Variants in CDK14 observed in about 807,000 individuals in gnomAD.
CDK14 encodes the protein cyclin dependent kinase 14.
A neutral mutation model predicts 60.7 loss-of-function variants in CDK14; 34 were observed. The ratio of observed to expected loss-of-function variants is 0.56; its 90% confidence interval spans 0.43 to 0.75. The LOEUF is 0.75. Among genes scored for constraint, CDK14 ranks in the 30% least tolerant of loss-of-function variants. The probability of loss-of-function intolerance (pLI) is 0.00; values close to 1 mark genes in which losing one functional copy is unlikely to be tolerated. For synonymous variants in CDK14, 197 were observed against 203.7 expected (o/e 0.97, Z 0.28); for missense variants, 482 against 564.1 (o/e 0.85, Z 1.47).
At chr7:90,971,822 A>G (rs372226954) in intron 9 of CDK14, among the ~76,000 whole-genome samples, 5 of 152,196 alleles carry the variant, frequency 3.3e-5, no homozygotes, top group African/African-American at 1.2e-4. Flanking sequence ...AACATAAGGA[A>G]CATTTATGCT....
At position 91,188,394 on chromosome 7, in the gene CDK14, T is replaced by A. The variant is rs543746010; in HGVS notation, c.*29-18771T>A. Among the ~76,000 whole-genome samples, 30 of 152,294 alleles carry A rather than the reference T, an allele frequency of 2.0e-4. No homozygotes were observed. In the South Asian group the frequency reaches 6.2e-3, roughly 32 times the overall value. On this transcript the variant is annotated intron_variant, in intron 14 of 14. Transcript: ENST00000380050. ...ATCTGGTGCTTATCTCCTCCCAAAC[T>A]AAGCAATTGAAAGCAATATCCAGGC...
chr7:90,857,932 T>A (rs1014885282), intron 5 of CDK14, among the ~76,000 whole-genome samples: 1 of 152,202 alleles, frequency 6.6e-6, no homozygotes. Flanking sequence ...ATGCCATTTT[T>A]CTGCCATCAG....
At chr7:90,781,352 C>T (rs1274303203) in intron 4 of CDK14, among the ~76,000 whole-genome samples, 1 of 152,018 alleles carries the variant, frequency 6.6e-6, no homozygotes, top group Non-Finnish European at 1.5e-5. Context: ...AAAATTTTCT[C>T]CCATTTTATG....
intron 14 of CDK14, among the ~76,000 whole-genome samples, chr7:91,167,181 C>T (rs1009620638): frequency 1.4e-4 from 21 of 152,136 alleles, no homozygotes; most frequent in Non-Finnish European, 2.1e-4. Flanking sequence ...CTTTTGTCAC[C>T]GAACAACACA....
chr7:91,171,461 T>A (rs1326791723), intron 14 of CDK14, among the ~76,000 whole-genome samples: 2 of 152,196 alleles, frequency 1.3e-5, no homozygotes, highest in Non-Finnish European at 2.9e-5. Context: ...TTTATTAGTA[T>A]GTAGAATAAT....
chr7:91,171,201 T>C (rs952461338), intron 14 of CDK14, among the ~76,000 whole-genome samples: 2 of 151,836 alleles, frequency 1.3e-5, no homozygotes, highest in Admixed American at 1.3e-4. Flanking sequence ...TACAAAAAAA[T>C]TAGCTGGGCG....
At chr7:91,073,927 C>A (rs1230726535) in intron 11 of CDK14, among the ~76,000 whole-genome samples, 3 of 151,826 alleles carry the variant, frequency 2.0e-5, no homozygotes, top group Admixed American at 6.6e-5. Flanking sequence ...TGATGATAAA[C>A]AGTACAATTG....
At position 90,763,785 on chromosome 7, in the gene CDK14, G is replaced by A. The variant is rs746521780; in HGVS notation, c.464+16010G>A. Among the ~76,000 whole-genome samples the A allele has an allele frequency of 2.3e-4, 35 of 152,166 alleles. No individual in the cohort carries two copies. In the Middle Eastern group the frequency reaches 0.014, roughly 59 times the overall value. Reference sequence around the variant, plus strand: ...CATATGTAACAAACCTGCATGTTGTGCACATGTACCTTAGAACTTAAAGTA... The same window carrying A: ...CATATGTAACAAACCTGCATGTTGTACACATGTACCTTAGAACTTAAAGTA... On this transcript the variant is annotated intron_variant, in intron 4 of 14. Transcript: ENST00000380050.
At chr7:90,888,632 A>G (rs1792025234) in intron 6 of CDK14, among the ~76,000 whole-genome samples, 1 of 152,190 alleles carries the variant, frequency 6.6e-6, no homozygotes, top group African/African-American at 2.4e-5. Flanking sequence ...TTCCTATCAG[A>G]GTGGCTCCAG....
intron 5 of CDK14, among the ~76,000 whole-genome samples, chr7:90,825,002 T>G (rs770821380): frequency 2.6e-5 from 4 of 152,200 alleles, no homozygotes; most frequent in Non-Finnish European, 5.9e-5. Context: ...AGCAATTAAA[T>G]TCTCCTCAGG....
At chr7:91,048,169 C>T (rs185200169) in intron 11 of CDK14, among the ~76,000 whole-genome samples, 42 of 152,270 alleles carry the variant, frequency 2.8e-4, no homozygotes, top group African/African-American at 9.4e-4. Flanking sequence ...TTCCCCTGAA[C>T]CACTGACCCC....
chr7:91,000,838 A>G (rs1281526987), intron 10 of CDK14, among the ~76,000 whole-genome samples: 4 of 152,230 alleles, frequency 2.6e-5, no homozygotes, highest in Non-Finnish European at 5.9e-5. Context: ...TCAGGAGGTC[A>G]ACAGAGTAAC....
chr7:90,862,964 G>T (rs972017512), intron 5 of CDK14, among the ~76,000 whole-genome samples: 20 of 152,254 alleles, frequency 1.3e-4, no homozygotes, highest in Middle Eastern at 3.4e-3. Context: ...AGGATCACTT[G>T]AACCCAGGAG....
At chr7:91,121,866 G>T (rs1465041101) in intron 14 of CDK14, among the ~76,000 whole-genome samples, 1 of 152,162 alleles carries the variant, frequency 6.6e-6, no homozygotes, top group Non-Finnish European at 1.5e-5. Flanking sequence ...GAAAAGACTG[G>T]AAGCTGTATT....
At chr7:90,861,321 A>G (rs1791001278) in intron 5 of CDK14, among the ~76,000 whole-genome samples, 1 of 152,168 alleles carries the variant, frequency 6.6e-6, no homozygotes, top group Admixed American at 6.5e-5. Flanking sequence ...CATAAATCCA[A>G]CAAGGAGAAC....
intron 11 of CDK14, among the ~76,000 whole-genome samples, chr7:91,062,671 A>G (rs1051966940): frequency 6.6e-5 from 10 of 152,172 alleles, no homozygotes; most frequent in African/African-American, 2.4e-4. Context: ...CATGGATGCT[A>G]TCTCAGGAGG....
chr7:90,764,375 T>A (rs1804454199), intron 4 of CDK14, among the ~76,000 whole-genome samples: 1 of 152,096 alleles, frequency 6.6e-6, no homozygotes, highest in Non-Finnish European at 1.5e-5. Flanking sequence ...ATTAACAAGG[T>A]GGGGTTTGGG....
chr7:91,121,063 T>C (rs1799769597), intron 14 of CDK14, among the ~76,000 whole-genome samples: 1 of 152,238 alleles, frequency 6.6e-6, no homozygotes, highest in South Asian at 2.1e-4. Flanking sequence ...TAATATAGCC[T>C]ATTTATTGGC....
At chr7:91,103,157 G>T (rs964739841) in intron 12 of CDK14, among the ~76,000 whole-genome samples, 1 of 152,038 alleles carries the variant, frequency 6.6e-6, no homozygotes, top group African/African-American at 2.4e-5. Flanking sequence ...GGAGGCTGAG[G>T]CAGGAGAATC....
Sources: gnomAD v4.1 joint callset for allele counts (sites outside exome capture counted in the v4.1 genomes callset) on GRCh38, gnomAD v4.1.1 for gene constraint, MANE v1.5 for transcripts, NCBI Gene and HGNC (gene_info 2026-07-23, HGNC 2026-07-21) for gene names.